GOLGA1: variants seen among roughly 807,000 people sequenced by gnomAD.
GOLGA1 encodes golgin A1.
A neutral mutation model predicts 119.7 loss-of-function variants in GOLGA1; 63 were observed. The ratio of observed to expected loss-of-function variants is 0.53; its 90% CI spans 0.43 to 0.65. The LOEUF (loss-of-function observed/expected upper bound fraction) is 0.65. Ranked by LOEUF, GOLGA1 falls within the 30% of genes least tolerant of loss-of-function variation. GOLGA1 has a pLI of 0.00. For synonymous variants in GOLGA1, 318 were observed against 333.4 expected, an observed-to-expected ratio of 0.95 and a Z score of 0.50; for missense variants, 798 against 912.8, an observed-to-expected ratio of 0.87 and a Z score of 1.62.
chr9:124,943,308 C>T (rs561951279), upstream of GOLGA1: 13 of 152,258 alleles, frequency 8.5e-5, 1 homozygote, highest in African/African-American at 2.4e-4. Context: ...GTTTTGCTAA[C>T]GGGGCTGAGT....
intron 1 of GOLGA1, chr9:124,947,341 C>T (rs1486090389): frequency 6.6e-6 from 1 of 152,132 alleles, no homozygotes; most frequent in Non-Finnish European, 1.5e-5. Flanking sequence ...GGTTATATCA[C>T]TAATTTATCA....
At chr9:124,911,073 C>T (rs1350923962) in intron 11 of GOLGA1, among the ~76,000 whole-genome samples, 2 of 152,156 alleles carry the variant, frequency 1.3e-5, no homozygotes, top group East Asian at 3.8e-4. Flanking sequence ...TTCCTGTAGA[C>T]TGTTGAAGGG....
At chr9:124,895,551 C>A (rs985828414) in intron 15 of GOLGA1, among the ~76,000 whole-genome samples, 2 of 150,744 alleles carry the variant, frequency 1.3e-5, no homozygotes. Context: ...GAGAACCATC[C>A]ACAACAGAGA....
Position 124,923,076 on chromosome 9 carries a change from C to T in GOLGA1, c.561+19G>A, listed in dbSNP as rs1830602308. Reference sequence around the variant, plus strand: ...TAATCATCTATTCAGTATTTAGCTACTAAAACAAAAATGCATACCATGTGC... The same window carrying T: ...TAATCATCTATTCAGTATTTAGCTATTAAAACAAAAATGCATACCATGTGC... On this transcript the variant is annotated intron_variant, in intron 8 of 22. Coordinates refer to ENST00000373555, the MANE Select transcript of GOLGA1 (RefSeq NM_002077.4). 6.3e-7 allele frequency: 1 copy of T among 1,587,716 alleles called. No homozygotes were observed. The highest frequency in any genetic ancestry group is 8.6e-7 in the Non-Finnish European group (1 of 1,161,168).
intron 3 of GOLGA1, 22 bp from the exon 4 acceptor site, chr9:124,931,428 A>T: frequency 8.3e-7 from 1 of 1,207,878 alleles, no homozygotes; most frequent in Non-Finnish European, 1.2e-6. Flanking sequence ...GACACAAGGA[A>T]GGTCGTATTC....
intron 3 of GOLGA1, among the ~76,000 whole-genome samples, chr9:124,934,284 T>C (rs546772763): frequency 3.3e-5 from 5 of 152,152 alleles, no homozygotes; most frequent in African/African-American, 1.2e-4. Flanking sequence ...AAATCATCAA[T>C]AATAATGCAG....
chr9:124,882,634 C>T (rs530246719), intron 19 of GOLGA1, 65 bp from the exon 20 acceptor site: 4 of 1,306,794 alleles, frequency 3.1e-6, no homozygotes, highest in Non-Finnish European at 4.4e-6. Context: ...AGGAAACAGA[C>T]CCGAAGATCC....
rs1829770570 is a variant in GOLGA1 at position 124,888,257 on chromosome 9, T to G, written c.1901A>C (p.Asn634Thr). 6.2e-7 allele frequency: 1 copy of G among 1,613,908 alleles called. No individual in the cohort carries two copies. The highest frequency in any genetic ancestry group is 8.5e-7 in the Non-Finnish European group (1 of 1,179,880). ...CCATGCAAAAGGCATCCTCACCTTA[T>G]TTTTCTCCAGAAGTTGCTGCTCCAA... ...QDLEQQLLEK[N>T]KTIKQMQQRM... is the part of the protein sequence containing the mutation. The change falls in exon 19 of 23, where the codon AAT becomes ACT. Residue 634 changes from asparagine to threonine, a missense_variant. Coordinates refer to ENST00000373555, the MANE Select transcript of GOLGA1 (RefSeq NM_002077.4). This position sits in a 1 kb window ranked among gnomAD's most constrained non-coding sequence, Gnocchi z 4.4.
chr9:124,942,724 G>T (rs976238347), upstream of GOLGA1: 1 of 152,178 alleles, frequency 6.6e-6, no homozygotes, highest in South Asian at 2.1e-4. Context: ...CATTCCTAGA[G>T]AACATTTATC....
chr9:124,917,727 T>G (rs1830477964), intron 10 of GOLGA1, among the ~76,000 whole-genome samples: 1 of 152,134 alleles, frequency 6.6e-6, no homozygotes, highest in African/African-American at 2.4e-5. Context: ...TGCCTCAGAG[T>G]TTTTGTTCAT....
intron 10 of GOLGA1, among the ~76,000 whole-genome samples, chr9:124,915,830 G>A (rs1047253400): frequency 1.3e-5 from 2 of 151,270 alleles, no homozygotes; most frequent in African/African-American, 2.4e-5. Context: ...ATGGCAGGGC[G>A]TGGTGGCTCA....
At chr9:124,920,680 A>T (rs181029002) in intron 10 of GOLGA1, among the ~76,000 whole-genome samples, 2 of 152,024 alleles carry the variant, frequency 1.3e-5, no homozygotes, top group Non-Finnish European at 2.9e-5. Context: ...TCACGCCTGT[A>T]ATCTCAGCAC....
At chr9:124,885,188 G>A (rs185386148) in intron 19 of GOLGA1, among the ~76,000 whole-genome samples, 7 of 152,244 alleles carry the variant, frequency 4.6e-5, no homozygotes, top group Admixed American at 2.6e-4. Context: ...TTAGCTGGGC[G>A]TGGTAGCGCG....
intron 16 of GOLGA1, 75 bp from the exon 17 acceptor site, chr9:124,889,611 C>G: frequency 1.0e-6 from 1 of 977,702 alleles, no homozygotes; most frequent in Non-Finnish European, 1.7e-6. Context: ...TCCACTTCCC[C>G]GCTCTCCAGG....
intron 14 of GOLGA1, 24 bp from the exon 15 acceptor site, chr9:124,898,668 TAAA>T (rs1305440337): frequency 2.8e-6 from 4 of 1,408,636 alleles, no homozygotes; most frequent in Non-Finnish European, 3.0e-6. Context: ...AGAACACATA[TAAA>T]AGAAGTCTTC....
At chr9:124,906,136 T>G (rs1363421751) in intron 12 of GOLGA1, among the ~76,000 whole-genome samples, 4 of 149,688 alleles carry the variant, frequency 2.7e-5, no homozygotes, top group African/African-American at 9.9e-5. Context: ...AATAAATAAA[T>G]AAATAAATAA....
Position 124,938,678 on chromosome 9 carries a change from C to T in GOLGA1, c.34G>A (p.Glu12Lys). ...CCTGGCCTCTGAGCAACAGCAGTCTCTTCTGCAATTTTCTTCTTCAGTTTT... is the reference window on the plus strand; with the variant it reads ...CCTGGCCTCTGAGCAACAGCAGTCTTTTCTGCAATTTTCTTCTTCAGTTTT... ...FAKLKKKIAE[E>K]TAVAQRPGGA... Residue 12 changes from glutamate (E) to lysine (K), a missense_variant, in exon 3 of 23, where the codon GAG (glutamate) becomes AAG (lysine). Physicochemically the swap from Glu to Lys is moderately conservative, Grantham distance 56 (BLOSUM62 1). Transcript: ENST00000373555. 6.2e-7 allele frequency: 1 copy of T among 1,613,590 alleles called. No homozygotes were observed. Among genetic ancestry groups the T allele is most frequent in the Non-Finnish European group, 8.5e-7 (1 of 1,179,652 alleles).
chr9:124,884,637 C>T (rs1160553174), intron 19 of GOLGA1, among the ~76,000 whole-genome samples: 1 of 152,198 alleles, frequency 6.6e-6, no homozygotes, highest in African/African-American at 2.4e-5. Flanking sequence ...CAGTTTCTAA[C>T]TTCTCCACTG....
intron 7 of GOLGA1, among the ~76,000 whole-genome samples, chr9:124,925,025 A>G (rs1830647300): frequency 6.6e-6 from 1 of 151,742 alleles, no homozygotes; most frequent in Non-Finnish European, 1.5e-5. Context: ...GCTTGCAGTG[A>G]GCCAAGATCA....
Sources: gnomAD v4.1 joint callset for allele counts (sites outside exome capture counted in the v4.1 genomes callset) on GRCh38, gnomAD v4.1.1 for gene constraint, Gnocchi (gnomAD v3.1) non-coding constraint, MANE v1.5 for transcripts, NCBI Gene and HGNC (gene_info 2026-07-23, HGNC 2026-07-21) for gene names.